Variants in KIF2A observed in about 807,000 individuals in gnomAD.
The protein encoded by KIF2A is kinesin family member 2A.
A neutral mutation model predicts 100.2 loss-of-function variants in KIF2A; 22 were observed. The observed-to-expected ratio is 0.22, with a 90% CI of 0.16 to 0.31. The LOEUF (loss-of-function observed/expected upper bound fraction) is 0.31, where lower values mean the gene tolerates loss of function less well. Ranked by LOEUF, KIF2A falls within the 10% of genes least tolerant of loss-of-function variation. The pLI is 1.00. For missense variants in KIF2A, 495 were observed against 898.7 expected, an observed-to-expected ratio of 0.55 and a Z score of 5.74; for synonymous variants, 268 against 285.9, an observed-to-expected ratio of 0.94 and a Z score of 0.63.
At chr5:62,384,472 G>A (rs889333966) in intron 20 of KIF2A, among the ~76,000 whole-genome samples, 3 of 152,142 alleles carry the variant, frequency 2.0e-5, no homozygotes, top group Non-Finnish European at 4.4e-5. Flanking sequence ...GTGTTATCCT[G>A]TGCCTTGTAC....
At chr5:62,345,873 T>C (rs1747539819) in intron 1 of KIF2A, among the ~76,000 whole-genome samples, 2 of 152,176 alleles carry the variant, frequency 1.3e-5, no homozygotes, top group African/African-American at 2.4e-5. Flanking sequence ...AGTTTCTGTC[T>C]CTACTTGAGT....
intron 16 of KIF2A, among the ~76,000 whole-genome samples, chr5:62,372,160 T>G (rs182587565): frequency 6.6e-6 from 1 of 152,322 alleles, no homozygotes; most frequent in Admixed American, 6.5e-5. Context: ...ATTTCAGATT[T>G]AAGTGACTTA....
Position 62,348,182 on chromosome 5 carries a change from T to C in KIF2A, c.279+15T>C, listed in dbSNP as rs376138524. ...AAATTGTAAAGGTTAGTGATGAAAA[T>C]TCAGAGTGCAGGACACTGGGAGAGA... On this transcript the variant is annotated intron_variant, in intron 3 of 20. Coordinates refer to ENST00000407818, the MANE Select transcript of KIF2A (RefSeq NM_001098511.3). The C allele has an allele frequency of 1.9e-6, 3 of 1,613,074 alleles. No homozygotes were observed. Among genetic ancestry groups the C allele is most frequent in the African/African-American group, 2.7e-5 (2 of 74,996 alleles).
chr5:62,330,113 G>A (rs1746559910), intron 1 of KIF2A, among the ~76,000 whole-genome samples: 1 of 152,212 alleles, frequency 6.6e-6, no homozygotes, highest in Admixed American at 6.5e-5. Flanking sequence ...CACTTTGGGA[G>A]GCCGAGGTGA....
intron 1 of KIF2A, among the ~76,000 whole-genome samples, chr5:62,339,002 G>A (rs578103666): frequency 6.6e-6 from 1 of 152,150 alleles, no homozygotes; most frequent in Admixed American, 6.5e-5. Context: ...CATGAATGTG[G>A]AGTAATTGCT....
Position 62,389,109 on chromosome 5 carries a change from G to A in KIF2A, c.*3540G>A, listed in dbSNP as rs192503072. 7.8e-5 allele frequency: 113 copies of A among 1,456,048 alleles called. No individual in the cohort carries two copies. The African/African-American group carries it at 1.4e-3, about 18-fold the overall frequency. 90.2% of individuals were successfully genotyped at this position (1,456,048 alleles called of 1,614,324 possible). A position where few individuals can be genotyped will look rare whatever the true frequency, so the allele number is the denominator to read the frequency against. ...GAAAAGCTAATTTGTAGCACATAAC[G>A]GTATATAGTTCTATACCATTAATAC... On this transcript the variant is annotated 3_prime_UTR_variant, in exon 21 of 21. Transcript: ENST00000407818.
At chr5:62,352,868 C>A in intron 5 of KIF2A, 158 bp downstream of exon 5, 1 of 566,656 alleles carries the variant, frequency 1.8e-6, no homozygotes, top group Non-Finnish European at 2.9e-6. Context: ...TCTTATTAGT[C>A]TGTTAATTGG....
rs768003755 is a variant in KIF2A at position 62,351,889 on chromosome 5, C to T, written c.335-699C>T. Among the ~76,000 whole-genome samples, 11 of 152,196 alleles carry T rather than the reference C, an allele frequency of 7.2e-5. No individual in the cohort carries two copies. In the South Asian group the frequency reaches 2.3e-3, roughly 32 times the overall value. On this transcript the variant is annotated intron_variant, in intron 4 of 20. Transcript: ENST00000407818. Reference sequence around the variant, plus strand: ...TTATATTTTGCCGGGTGTGGTGGCTCACGCCTTTAATCCCAGCACACTGGG... The same window carrying T: ...TTATATTTTGCCGGGTGTGGTGGCTTACGCCTTTAATCCCAGCACACTGGG...
intron 1 of KIF2A, among the ~76,000 whole-genome samples, chr5:62,307,515 A>G (rs1745369041): frequency 6.6e-6 from 1 of 152,182 alleles, no homozygotes; most frequent in Non-Finnish European, 1.5e-5. Flanking sequence ...GAATAAATGC[A>G]CGGAGGGAGA....
chr5:62,350,514 A>G (rs1010656029), intron 4 of KIF2A, among the ~76,000 whole-genome samples: 1 of 151,958 alleles, frequency 6.6e-6, no homozygotes, highest in Non-Finnish European at 1.5e-5. Context: ...GGCTCAAGTG[A>G]TCCTCCTGGC....
At chr5:62,306,853 C>G (rs999313955) in intron 1 of KIF2A, 4 of 363,414 alleles carry the variant, frequency 1.1e-5, no homozygotes, top group South Asian at 7.5e-5. Context: ...CTCCAGCCCC[C>G]CCCCGGGGAC....
rs372579928 is a variant in KIF2A, at chr5:62,371,187, A to G, written c.1647-1251A>G. On this transcript the variant is annotated intron_variant, in intron 16 of 20. Transcript: ENST00000407818. ...GGGAGGATCACTTGAGCAGGAGGTC[A>G]AGGCTGCAATGAGCCATGACTGAGC... 1.4e-3 allele frequency among the ~76,000 whole-genome samples: 206 copies of G among 152,268 alleles called. 1 individual carries two copies. Among genetic ancestry groups the G allele is most frequent in the African/African-American group, 4.8e-3 (200 of 41,568 alleles).
intron 7 of KIF2A, 114 bp from the exon 8 acceptor site, chr5:62,357,577 C>A: frequency 2.0e-6 from 1 of 488,158 alleles, no homozygotes. Context: ...GCTTACCTAT[C>A]ATTTATGCTA....
chr5:62,323,934 TG>T (rs1256820085), intron 1 of KIF2A, among the ~76,000 whole-genome samples: 3 of 152,136 alleles, frequency 2.0e-5, no homozygotes, highest in East Asian at 3.9e-4. Flanking sequence ...CTCTGGTGGC[TG>T]AGGTGGGAGG....
At chr5:62,373,654 T>C in intron 17 of KIF2A, 33 bp from the exon 18 acceptor site, 2 of 1,569,610 alleles carry the variant, frequency 1.3e-6, no homozygotes, top group Non-Finnish European at 1.7e-6. Context: ...GCATGAGTGT[T>C]TTTAACTTTA....
intron 19 of KIF2A, among the ~76,000 whole-genome samples, chr5:62,378,635 T>A (rs1323592219): frequency 6.6e-6 from 1 of 152,120 alleles, no homozygotes; most frequent in African/African-American, 2.4e-5. Flanking sequence ...TATTAGAGTT[T>A]GGCCAGGCGC....
intron 11 of KIF2A, 39 bp from the exon 12 acceptor site, chr5:62,362,411 T>C (rs1386680141): frequency 1.0e-6 from 1 of 978,826 alleles, no homozygotes; most frequent in Non-Finnish European, 1.4e-6. Context: ...TAAAAATATT[T>C]GTTGGATCTC....
At chr5:62,381,083 A>T in intron 19 of KIF2A, 35 bp from the exon 20 acceptor site, 1 of 1,541,892 alleles carries the variant, frequency 6.5e-7, no homozygotes, top group Non-Finnish European at 8.9e-7. Context: ...TTGCACAAAG[A>T]TGCTTATTGG....
At chr5:62,355,033 C>T (rs530655329) in intron 6 of KIF2A, 126 bp from the exon 7 acceptor site, 6 of 560,442 alleles carry the variant, frequency 1.1e-5, no homozygotes, top group Admixed American at 3.4e-5. Flanking sequence ...TATATAATAT[C>T]GTCAGTTTAA....
Sources: gnomAD v4.1 joint callset for allele counts (sites outside exome capture counted in the v4.1 genomes callset) on GRCh38, gnomAD v4.1.1 for gene constraint, MANE v1.5 for transcripts, NCBI Gene and HGNC (gene_info 2026-07-23, HGNC 2026-07-21) for gene names.